The following PRKN variants were observed in gnomAD, a reference collection of about 807,000 sequenced individuals.
PRKN encodes the protein parkin RBR E3 ubiquitin protein ligase.
PRKN carries 56 observed loss-of-function variants against 59.5 expected under a neutral mutation model. The ratio of observed to expected loss-of-function variants is 0.94; its 90% CI spans 0.76 to 1.18. The LOEUF is 1.18. Among genes scored for constraint, PRKN ranks in the 50% most tolerant of loss-of-function variants. The probability of loss-of-function intolerance (pLI) is 0.00; values close to 1 mark genes in which losing one functional copy is unlikely to be tolerated. For synonymous variants in PRKN, 250 were observed against 222.1 expected, an observed-to-expected ratio of 1.13 and a Z score of -1.12; for missense variants, 657 against 596.4, an observed-to-expected ratio of 1.10 and a Z score of -1.06.
chr6:162,545,526 A>G (rs1414071000), intron 1 of PRKN, among the ~76,000 whole-genome samples: 1 of 152,164 alleles, frequency 6.6e-6, no homozygotes, highest in African/African-American at 2.4e-5. Context: ...AATTCCCATC[A>G]GGCATTTGGT....
At chr6:161,660,043 G>T (rs1377928180) in intron 7 of PRKN, among the ~76,000 whole-genome samples, 1 of 152,102 alleles carries the variant, frequency 6.6e-6, no homozygotes, top group Non-Finnish European at 1.5e-5. Context: ...ACTTACTAAG[G>T]TCTCAAAAAG....
intron 2 of PRKN, among the ~76,000 whole-genome samples, chr6:162,377,254 G>C (rs1786159566): frequency 6.6e-6 from 1 of 152,138 alleles, no homozygotes; most frequent in African/African-American, 2.4e-5. Flanking sequence ...GGCTGACTAG[G>C]CTATGTGAAT....
intron 2 of PRKN, among the ~76,000 whole-genome samples, chr6:162,323,510 T>C (rs995511938): frequency 6.6e-6 from 1 of 152,004 alleles, no homozygotes; most frequent in African/African-American, 2.4e-5. Context: ...TGATATATGA[T>C]ATATTCTTGT....
chr6:162,577,169 T>C (rs1191158705), intron 1 of PRKN, among the ~76,000 whole-genome samples: 1 of 151,898 alleles, frequency 6.6e-6, no homozygotes, highest in East Asian at 1.9e-4. Flanking sequence ...AAAGCTCTGA[T>C]AAATATGAAA....
At chr6:161,643,647 G>A (rs906760244) in intron 7 of PRKN, among the ~76,000 whole-genome samples, 3 of 152,118 alleles carry the variant, frequency 2.0e-5, no homozygotes, top group Non-Finnish European at 4.4e-5. Flanking sequence ...CAATAGCTAA[G>A]ATGATTCAGT....
intron 4 of PRKN, among the ~76,000 whole-genome samples, chr6:162,180,128 T>C (rs1304322818): frequency 1.3e-5 from 2 of 152,098 alleles, no homozygotes; most frequent in Non-Finnish European, 2.9e-5. Flanking sequence ...TTTTTCCTTA[T>C]TGTAATTCTC....
At position 161,583,034 on chromosome 6, in the gene PRKN, T is replaced by C. The variant is rs1781401766; in HGVS notation, c.872-13618A>G. ...CACACACACACACATACACATTTTG[T>C]AAGATCTTGAAAACCATAAACCAAA... On this transcript the variant is annotated intron_variant, in intron 7 of 11. Coordinates refer to ENST00000366898, the MANE Select transcript of PRKN (RefSeq NM_004562.3). Among the ~76,000 whole-genome samples, 2 of 148,052 alleles carry C rather than the reference T, an allele frequency of 1.4e-5. 1 individual carries two copies. The highest frequency in any genetic ancestry group is 4.9e-5 in the African/African-American group (2 of 40,440).
At chr6:161,537,866 G>A (rs475221) in intron 9 of PRKN, among the ~76,000 whole-genome samples, 74,147 of 151,980 alleles carry the variant, frequency 0.49, 18,614 homozygotes, top group Non-Finnish European at 0.53. Flanking sequence ...AGGCGGCCAC[G>A]GGAAGAGTGA....
chr6:162,644,335 T>C (rs951988334), intron 1 of PRKN, among the ~76,000 whole-genome samples: 1 of 152,096 alleles, frequency 6.6e-6, no homozygotes, highest in African/African-American at 2.4e-5. Flanking sequence ...CAGACCACAC[T>C]TGGCAGTAGC....
chr6:162,329,292 C>G (rs140302672), intron 2 of PRKN, among the ~76,000 whole-genome samples: 131 of 151,856 alleles, frequency 8.6e-4, no homozygotes, highest in African/African-American at 3.0e-3. Context: ...AGGTCTGGAC[C>G]CTCAAAAGCA....
At chr6:162,087,542 C>A (rs1056344929) in intron 4 of PRKN, among the ~76,000 whole-genome samples, 2 of 149,330 alleles carry the variant, frequency 1.3e-5, no homozygotes, top group African/African-American at 5.0e-5. Context: ...ATGGTTTCTG[C>A]TTCAAGTGGG....
intron 3 of PRKN, among the ~76,000 whole-genome samples, chr6:162,252,841 G>T (rs1779490242): frequency 1.3e-5 from 2 of 152,252 alleles, no homozygotes; most frequent in African/African-American, 4.8e-5. Flanking sequence ...TCTTGGATGA[G>T]AATGAACTAT....
At chr6:162,019,671 C>G (rs1301837380) in intron 5 of PRKN, among the ~76,000 whole-genome samples, 2 of 152,158 alleles carry the variant, frequency 1.3e-5, no homozygotes, top group Non-Finnish European at 2.9e-5. Flanking sequence ...GTTAGCACAA[C>G]AGACTACAAC....
At chr6:162,065,342 C>T (rs1187264969) in intron 4 of PRKN, among the ~76,000 whole-genome samples, 1 of 152,084 alleles carries the variant, frequency 6.6e-6, no homozygotes, top group East Asian at 1.9e-4. Context: ...ATGAAAACAT[C>T]CAGCATGAAA....
At chr6:162,084,911 T>G (rs1183062735) in intron 4 of PRKN, among the ~76,000 whole-genome samples, 2 of 151,820 alleles carry the variant, frequency 1.3e-5, no homozygotes, top group African/African-American at 4.8e-5. Flanking sequence ...AGCCTGGAAT[T>G]ACAATCAGTA....
At chr6:162,054,937 G>T (rs779807164) in intron 4 of PRKN, among the ~76,000 whole-genome samples, 1 of 152,130 alleles carries the variant, frequency 6.6e-6, no homozygotes, top group Non-Finnish European at 1.5e-5. Context: ...TGAAGGGGGC[G>T]GATCACCTGA....
chr6:161,537,980 C>T (rs1374934435), intron 9 of PRKN, among the ~76,000 whole-genome samples: 1 of 152,156 alleles, frequency 6.6e-6, no homozygotes, highest in South Asian at 2.1e-4. Flanking sequence ...TGTCCCTGAA[C>T]TCTGGTCAAT....
In PRKN at chr6:161,484,721, G is replaced by A. The variant is rs894292837; in HGVS notation, c.1083+64133C>T. On this transcript the variant is annotated intron_variant, in intron 9 of 11. Coordinates refer to ENST00000366898, the MANE Select transcript of PRKN (RefSeq NM_004562.3). The surrounding 1 kb of genome is among the most constrained non-coding windows in gnomAD (Gnocchi z 4.9). ...CTGCATGGTGTTTGGCACCATCCCT[G>A]CCTCTACCCGCTAGATGCTAGAAGC... is the stretch of plus-strand genomic sequence containing the variant. 6.6e-6 allele frequency among the ~76,000 whole-genome samples: 1 copy of A among 152,154 alleles called. No individual in the cohort carries two copies. The highest frequency in any genetic ancestry group is 2.4e-5 in the African/African-American group (1 of 41,438).
intron 4 of PRKN, among the ~76,000 whole-genome samples, chr6:162,125,426 T>C (rs1781087122): frequency 6.6e-6 from 1 of 152,164 alleles, no homozygotes; most frequent in Admixed American, 6.5e-5. Flanking sequence ...AATATTATCA[T>C]CATGTCTTCC....
Sources: gnomAD v4.1 joint callset for allele counts (sites outside exome capture counted in the v4.1 genomes callset) on GRCh38, gnomAD v4.1.1 for gene constraint, Gnocchi (gnomAD v3.1) non-coding constraint, MANE v1.5 for transcripts, NCBI Gene and HGNC (gene_info 2026-07-23, HGNC 2026-07-21) for gene names.